The following ABI3BP variants were observed in gnomAD, a reference collection of about 807,000 sequenced individuals.
ABI3BP encodes target of Nesh-SH3.
In ABI3BP, 216 loss-of-function variants were observed where a neutral mutation model predicts 268.6. The observed-to-expected ratio is 0.80, with a 90% confidence interval of 0.72 to 0.90. The LOEUF (loss-of-function observed/expected upper bound fraction) is 0.90, where lower values mean the gene tolerates loss of function less well. Among genes scored for constraint, ABI3BP ranks in the 40% least tolerant of loss-of-function variants. ABI3BP has a pLI of 0.00. For synonymous variants in ABI3BP, 730 were observed against 730.0 expected (o/e 1.00, Z 0.00); for missense variants, 2,090 against 2,182.4 (o/e 0.96, Z 0.84).
At chr3:100,787,268 C>T (rs2097079296) in intron 57 of ABI3BP, among the ~76,000 whole-genome samples, 1 of 152,108 alleles carries the variant, frequency 6.6e-6, no homozygotes. Flanking sequence ...ATGCGAATTG[C>T]TCTGATTAAA....
intron 2 of ABI3BP, among the ~76,000 whole-genome samples, chr3:100,905,910 A>G (rs903536682): frequency 2.0e-5 from 3 of 152,202 alleles, no homozygotes; most frequent in African/African-American, 7.2e-5. Flanking sequence ...AAAAAGCTTT[A>G]TATTTTAGTA....
chr3:100,876,412 AT>A (rs2099161376), intron 7 of ABI3BP, 99 bp downstream of exon 7: 7 of 1,107,282 alleles, frequency 6.3e-6, no homozygotes, highest in Non-Finnish European at 9.1e-6. Context: ...CAAAAAAAAA[AT>A]CAATTAAAAA....
At chr3:100,793,946 C>T (rs2097266871) in intron 54 of ABI3BP, among the ~76,000 whole-genome samples, 1 of 151,992 alleles carries the variant, frequency 6.6e-6, no homozygotes, top group Non-Finnish European at 1.5e-5. Context: ...TTCAGCTCAT[C>T]CCAGTGGACC....
At chr3:100,866,108 A>C (rs1472939964) in intron 10 of ABI3BP, among the ~76,000 whole-genome samples, 1 of 152,240 alleles carries the variant, frequency 6.6e-6, no homozygotes, top group Non-Finnish European at 1.5e-5. Context: ...TAAAAGGTAC[A>C]TCATCAATAT....
intron 9 of ABI3BP, among the ~76,000 whole-genome samples, chr3:100,872,554 G>C (rs1581373550): frequency 6.6e-6 from 1 of 152,146 alleles, no homozygotes; most frequent in Non-Finnish European, 1.5e-5. Flanking sequence ...CTGCAGTTTT[G>C]ATGGTAACAT....
At chr3:100,978,444 A>G (rs1194815153) in intron 1 of ABI3BP, among the ~76,000 whole-genome samples, 1 of 152,174 alleles carries the variant, frequency 6.6e-6, no homozygotes, top group Non-Finnish European at 1.5e-5. Flanking sequence ...CATTAACTTT[A>G]ATACATATAC....
chr3:100,847,865 A>G (rs1217305403), intron 18 of ABI3BP, among the ~76,000 whole-genome samples, 192 bp from the exon 19 acceptor site: 4 of 152,358 alleles, frequency 2.6e-5, no homozygotes, highest in Middle Eastern at 6.8e-3. Context: ...CATTTATCTT[A>G]TAATGGAATA....
intron 42 of ABI3BP, 97 bp downstream of exon 42, chr3:100,817,339 A>C: frequency 1.2e-6 from 1 of 807,262 alleles, no homozygotes; most frequent in Non-Finnish European, 1.9e-6. Context: ...ATGACAAGAT[A>C]GTCCTACAAA....
intron 1 of ABI3BP, among the ~76,000 whole-genome samples, chr3:100,971,696 A>G (rs1196822449): frequency 6.6e-6 from 1 of 152,176 alleles, no homozygotes; most frequent in Admixed American, 6.6e-5. Flanking sequence ...ATTATATCCT[A>G]CAATTGAAAT....
chr3:100,821,119 C>G lies in ABI3BP; in HGVS notation c.2888-6G>C. 1 of 1,534,976 alleles carries G rather than the reference C, an allele frequency of 6.5e-7. No individual in the cohort carries two copies. On this transcript the variant is annotated splice_polypyrimidine_tract_variant and splice_region_variant and intron_variant, in intron 38 of 67. Coordinates refer to ENST00000471714, the MANE Select transcript of ABI3BP (RefSeq NM_001375547.2). ...TTTGAGCTCCGCAGTAGGAACTGAT[C>G]AAAAGCATTAAAATTAACCAAATGA...
chr3:100,988,380 A>G (rs2092339307), intron 1 of ABI3BP, among the ~76,000 whole-genome samples: 1 of 152,152 alleles, frequency 6.6e-6, no homozygotes, highest in African/African-American at 2.4e-5. Flanking sequence ...CAAGGAGAGC[A>G]CAGTTACATC....
intron 12 of ABI3BP, 21 bp from the exon 13 acceptor site, chr3:100,862,930 A>G: frequency 6.6e-7 from 1 of 1,518,034 alleles, no homozygotes; most frequent in South Asian, 1.2e-5. Context: ...ACACATAAAG[A>G]AAGTTACGAC....
In ABI3BP at chr3:100,864,048, C is replaced by G. The variant is rs1405050483; in HGVS notation, c.1092G>C (p.Leu364Phe). The G allele has an allele frequency of 6.5e-7, 1 of 1,536,138 alleles. No homozygotes were observed. The highest frequency in any genetic ancestry group is 8.7e-7 in the Non-Finnish European group (1 of 1,146,774). ...LVLSKRTPETLQTILIPQFEL... is the reference protein window; with the variant it reads ...LVLSKRTPETFQTILIPQFEL... The stretch of plus-strand genomic sequence containing the variant: ...CAAACTGAGGTATTAGAATAGTTTG[C>G]AATGTTTCCGGGGTCCTTTTGCTGA... The change falls in exon 12 of 68, where the codon TTG becomes TTC. Residue 364 changes from leucine to phenylalanine, a missense_variant. Leu to Phe is a conservative substitution (Grantham distance 22). Transcript: ENST00000471714.
At chr3:100,867,640 C>CAAAAAAAA (rs5851230) in intron 9 of ABI3BP, among the ~76,000 whole-genome samples, 133 of 64,102 alleles carry the variant, frequency 2.1e-3, no homozygotes, top group Non-Finnish European at 2.5e-3. Context: ...GACCCCGTCT[C>CAAAAAAAA]AAAAAAAAAA....
intron 63 of ABI3BP, among the ~76,000 whole-genome samples, chr3:100,759,925 G>A (rs1318947957): frequency 2.0e-5 from 3 of 152,180 alleles, no homozygotes; most frequent in East Asian, 1.9e-4. Flanking sequence ...TACAGAATAT[G>A]CAGAGACTAG....
At chr3:100,808,510 AAAAT>A (rs2152456745) in intron 49 of ABI3BP, among the ~76,000 whole-genome samples, 2 of 152,232 alleles carry the variant, frequency 1.3e-5, no homozygotes, top group South Asian at 4.1e-4. Context: ...AAATAGTTTG[AAAAT>A]AAATTCATAA....
intron 1 of ABI3BP, among the ~76,000 whole-genome samples, chr3:100,984,798 C>T (rs773133510): frequency 2.0e-5 from 3 of 152,102 alleles, no homozygotes; most frequent in Non-Finnish European, 4.4e-5. Flanking sequence ...GCCTTTCCTA[C>T]CATGTGCCTC....
chr3:100,859,018 GCA>G (rs1028940184), intron 14 of ABI3BP, among the ~76,000 whole-genome samples: 1 of 151,776 alleles, frequency 6.6e-6, no homozygotes, highest in African/African-American at 2.4e-5. Context: ...CCAATTCAGA[GCA>G]AAGTTTTACT....
At chr3:100,946,554 C>T (rs1405701519) in intron 1 of ABI3BP, among the ~76,000 whole-genome samples, 10 of 151,700 alleles carry the variant, frequency 6.6e-5, no homozygotes, top group Non-Finnish European at 1.0e-4. Context: ...TTTGGGAGGC[C>T]GAGGTGGGCA....
Sources: gnomAD v4.1 joint callset for allele counts (sites outside exome capture counted in the v4.1 genomes callset) on GRCh38, gnomAD v4.1.1 for gene constraint, MANE v1.5 for transcripts, NCBI Gene and HGNC (gene_info 2026-07-23, HGNC 2026-07-21) for gene names.